The following SLA variants were observed in gnomAD, a reference collection of about 807,000 sequenced individuals.
SLA encodes Src like adaptor.
SLA carries 16 observed loss-of-function variants against 30.3 expected under a neutral mutation model. The ratio of observed to expected loss-of-function variants is 0.53; its 90% CI spans 0.36 to 0.80. The LOEUF (loss-of-function observed/expected upper bound fraction) is 0.80, where lower values mean the gene tolerates loss of function less well. Ranked by LOEUF, SLA falls within the 30% of genes least tolerant of loss-of-function variation. SLA has a pLI of 0.01. For synonymous variants in SLA, 143 were observed against 137.8 expected, an observed-to-expected ratio of 1.04 and a Z score of -0.26; for missense variants, 310 against 345.2, an observed-to-expected ratio of 0.90 and a Z score of 0.81.
At chr8:133,092,941 C>T (rs997248672) in intron 1 of SLA, among the ~76,000 whole-genome samples, 1 of 152,170 alleles carries the variant, frequency 6.6e-6, no homozygotes, top group African/African-American at 2.4e-5. Flanking sequence ...CGCCTTTAAC[C>T]ACTTCCTCAC....
chr8:133,065,340 A>T (rs1376732699), intron 2 of SLA, among the ~76,000 whole-genome samples: 2 of 152,248 alleles, frequency 1.3e-5, no homozygotes, highest in Non-Finnish European at 2.9e-5. Flanking sequence ...TAAAGCTGGG[A>T]TTCCAGCCAG....
In SLA at chr8:133,042,082, C is replaced by T. The variant is rs551572935; in HGVS notation, c.485-1952G>A. On this transcript the variant is annotated intron_variant, in intron 7 of 8. Transcript: ENST00000338087. ...GATTACAGGTGTGAGCCACCACACC[C>T]GGCTGTCAGTGTTTTTATACCCATT... 7.9e-4 allele frequency among the ~76,000 whole-genome samples: 120 copies of T among 152,088 alleles called. 1 individual carries two copies. Among genetic ancestry groups the T allele is most frequent in the African/African-American group, 2.7e-3 (111 of 41,472 alleles).
rs1434170686 is a variant in SLA, at chr8:133,045,021, G to C, written c.447C>G (p.Thr149=). The change falls in exon 7 of 9, where the codon ACC becomes ACG. Residue 149 remains threonine (T), a synonymous_variant. Transcript: ENST00000338087. ...NNWYYISPRL[T]FQCLEDLVNH... ...TCACCAGGTCCTCCAGGCACTGGAA[G>C]GTGAGCCTCGGGGAAATGTAGTACC... The C allele has an allele frequency of 1.2e-6, 2 of 1,614,158 alleles. No homozygotes were observed. Among genetic ancestry groups the C allele is most frequent in the South Asian group, 2.2e-5 (2 of 91,086 alleles).
chr8:133,074,921 C>T lies in SLA; in HGVS notation c.-109G>A, dbSNP rs1347529738. The T allele has an allele frequency of 9.1e-6, 9 of 985,440 alleles. No individual in the cohort carries two copies. Among genetic ancestry groups the T allele is most frequent in the Non-Finnish European group, 1.2e-6 (1 of 830,014 alleles). 61.0% of individuals were successfully genotyped at this position (985,440 alleles called of 1,614,324 possible). The stretch of plus-strand genomic sequence containing the variant: ...GGATTGCTGGGTGCAGAGTCACTGC[C>T]TCTCCGTCTGTCAACTGCTGCTGCT... On this transcript the variant is annotated 5_prime_UTR_variant, in exon 2 of 9. Coordinates refer to ENST00000338087, the MANE Select transcript of SLA (RefSeq NM_001045556.3).
At chr8:133,053,330 A>G (rs1840777633) in intron 3 of SLA, among the ~76,000 whole-genome samples, 1 of 152,242 alleles carries the variant, frequency 6.6e-6, no homozygotes, top group Non-Finnish European at 1.5e-5. Context: ...GGAGGGCAGA[A>G]TACTGGTGTC....
At chr8:133,093,803 G>C (rs17703832) in intron 1 of SLA, among the ~76,000 whole-genome samples, 1 of 152,128 alleles carries the variant, frequency 6.6e-6, no homozygotes, top group Middle Eastern at 3.4e-3. Context: ...GTGTTTGGCC[G>C]CTGGGGTCAG....
At chr8:133,076,479 G>T (rs1008792007) in intron 1 of SLA, among the ~76,000 whole-genome samples, 7 of 152,188 alleles carry the variant, frequency 4.6e-5, no homozygotes, top group African/African-American at 1.7e-4. Flanking sequence ...ATGCTGGGAA[G>T]GTACAAAGGA....
At chr8:133,095,134 A>T in intron 1 of SLA, 1 of 1,614,236 alleles carries the variant, frequency 6.2e-7, no homozygotes, top group Non-Finnish European at 8.5e-7. Flanking sequence ...CAGTTGCCCC[A>T]TGTCATCCAG....
At chr8:133,082,207 C>A (rs1406787467) in intron 1 of SLA, among the ~76,000 whole-genome samples, 1 of 152,146 alleles carries the variant, frequency 6.6e-6, no homozygotes, top group Admixed American at 6.5e-5. Flanking sequence ...ATAACACCAA[C>A]CTTCCTTATC....
At chr8:133,066,278 A>C (rs762571852) in intron 2 of SLA, among the ~76,000 whole-genome samples, 2 of 143,188 alleles carry the variant, frequency 1.4e-5, no homozygotes, top group Non-Finnish European at 3.0e-5. Flanking sequence ...GTGAGCTGAG[A>C]TCTCGCCACT....
At chr8:133,102,322 G>A in intron 1 of SLA, 1 of 483,322 alleles carries the variant, frequency 2.1e-6, no homozygotes, top group Non-Finnish European at 3.7e-6. Flanking sequence ...AACACATGCA[G>A]TGCAGCTTCC....
Position 133,038,510 on chromosome 8 carries a change from G to C in SLA, c.*14C>G, listed in dbSNP as rs377435106. The C allele has an allele frequency of 5.2e-5, 82 of 1,581,670 alleles. No homozygotes were observed. The highest frequency in any genetic ancestry group is 6.5e-5 in the Non-Finnish European group (75 of 1,150,410). ...CTGTTCCTTTTGGGCATGAACCATTGTGTCTGTTCTTGGCTAGTCCTCAAA... is the reference window on the plus strand; with the variant it reads ...CTGTTCCTTTTGGGCATGAACCATTCTGTCTGTTCTTGGCTAGTCCTCAAA... On this transcript the variant is annotated 3_prime_UTR_variant, in exon 9 of 9. Coordinates refer to ENST00000338087, the MANE Select transcript of SLA (RefSeq NM_001045556.3).
intron 1 of SLA, among the ~76,000 whole-genome samples, chr8:133,093,423 T>G (rs1211295180): frequency 3.3e-5 from 5 of 152,160 alleles, no homozygotes; most frequent in Non-Finnish European, 7.3e-5. Flanking sequence ...CCAGGAGCCT[T>G]GCTTTGTTTT....
intron 8 of SLA, 71 bp downstream of exon 8, chr8:133,039,927 C>A: frequency 6.6e-7 from 1 of 1,518,064 alleles, no homozygotes; most frequent in Non-Finnish European, 8.9e-7. Context: ...CCGTTTTGTG[C>A]TCACATGTTC....
Position 133,093,407 on chromosome 8 carries a change from C to T in SLA, c.-319+9146G>A, listed in dbSNP as rs188131836. ...AGAGTGAGCCACTGGCTGGAGATCACGTAGCCCAGGAGCCTTGCTTTGTTT... is the reference window on the plus strand; with the variant it reads ...AGAGTGAGCCACTGGCTGGAGATCATGTAGCCCAGGAGCCTTGCTTTGTTT... On this transcript the variant is annotated intron_variant, in intron 1 of 8. Transcript: ENST00000338087. 1.6e-3 allele frequency among the ~76,000 whole-genome samples: 249 copies of T among 152,260 alleles called. 1 individual carries two copies. Among genetic ancestry groups the T allele is most frequent in the Middle Eastern group, 6.8e-3 (2 of 294 alleles).
chr8:133,081,979 A>C (rs1318166399), intron 1 of SLA, among the ~76,000 whole-genome samples: 1 of 152,252 alleles, frequency 6.6e-6, no homozygotes, highest in African/African-American at 2.4e-5. Flanking sequence ...GGCTGTAGCC[A>C]GGAATGTTGA....
chr8:133,073,136 A>T (rs1468807784), intron 2 of SLA: 1 of 152,198 alleles, frequency 6.6e-6, no homozygotes, highest in Non-Finnish European at 1.5e-5. Flanking sequence ...GGGCAAAGTG[A>T]CTTGTACAGA....
At chr8:133,075,726 A>G (rs1349028557) in intron 1 of SLA, among the ~76,000 whole-genome samples, 1 of 152,140 alleles carries the variant, frequency 6.6e-6, no homozygotes, top group Non-Finnish European at 1.5e-5. Context: ...TCTGCCATAG[A>G]AGTAATGGCA....
chr8:133,073,496 G>A lies in SLA; in HGVS notation c.-41+1357C>T, dbSNP rs562257082. 4.0e-3 allele frequency among the ~76,000 whole-genome samples: 601 copies of A among 151,986 alleles called. 4 individuals are homozygous for A. Among genetic ancestry groups the A allele is most frequent in the African/African-American group, 0.014 (573 of 41,442 alleles). On this transcript the variant is annotated intron_variant, in intron 2 of 8. Transcript: ENST00000338087. ...TCCTGTCTCGCCTCCCGAGTAGCTG[G>A]GATTACAGGCACCCGCCACCAAGCC...
Sources: allele counts gnomAD v4.1 joint callset (sites outside exome capture counted in the v4.1 genomes callset), GRCh38; gene constraint gnomAD v4.1.1; transcripts MANE v1.5; gene names NCBI Gene and HGNC (gene_info 2026-07-23, HGNC 2026-07-21).